SLIT1: variants seen among roughly 807,000 people sequenced by gnomAD.
SLIT1 encodes slit homolog 1 protein.
A neutral mutation model predicts 186.1 loss-of-function variants in SLIT1; 66 were observed. The ratio of observed to expected loss-of-function variants is 0.35; its 90% CI spans 0.29 to 0.44. SLIT1 has a LOEUF of 0.44. SLIT1 is among the 20% of genes least tolerant of loss of function. The pLI is 1.00. For missense variants in SLIT1, 1,638 were observed against 2,037.4 expected (o/e 0.80, Z 3.77); for synonymous variants, 761 against 833.8 (o/e 0.91, Z 1.50).
At chr10:97,179,806 C>CCT (rs1554855922) in intron 1 of SLIT1, among the ~76,000 whole-genome samples, 3 of 148,538 alleles carry the variant, frequency 2.0e-5, no homozygotes, top group Non-Finnish European at 3.0e-5. Context: ...ACCCTCCCCG[C>CCT]CCCCCGGCAC....
At chr10:97,065,399 G>A (rs1438292222) in intron 5 of SLIT1, 1 of 154,200 alleles carries the variant, frequency 6.5e-6, no homozygotes, top group African/African-American at 2.4e-5. Context: ...GGGGGTGTGT[G>A]TGACAAGCAT....
intron 4 of SLIT1, among the ~76,000 whole-genome samples, chr10:97,087,626 G>A (rs944694653): frequency 3.9e-5 from 6 of 152,106 alleles, no homozygotes; most frequent in African/African-American, 1.2e-4. Context: ...ACAAAGGCTC[G>A]CCTCAAAGCA....
rs996238271 is a variant in SLIT1 at position 97,019,555 on chromosome 10, G to GA, written c.2747-449dup. Among the ~76,000 whole-genome samples, 54 of 152,336 alleles carry GA rather than the reference G, an allele frequency of 3.5e-4. 1 individual carries two copies. The highest frequency in any genetic ancestry group is 4.0e-4 in the Non-Finnish European group (27 of 68,034). On this transcript the variant is annotated intron_variant, in intron 26 of 36. Coordinates refer to ENST00000266058, the MANE Select transcript of SLIT1 (RefSeq NM_003061.3). ...AAGGTGGTCACCTCGGCAGAGAGGA[G>GA]ACGGTGACTTTGTGAGCATCGTGCC...
chr10:97,164,974 G>C, intron 1 of SLIT1, 84 bp from the exon 2 acceptor site: 1 of 975,784 alleles, frequency 1.0e-6, no homozygotes, highest in East Asian at 2.4e-5. Flanking sequence ...TGCCCTCCCC[G>C]CCTGGATCAG....
chr10:97,147,647 G>A (rs1486200803), intron 4 of SLIT1, among the ~76,000 whole-genome samples: 2 of 151,804 alleles, frequency 1.3e-5, no homozygotes, highest in Non-Finnish European at 2.9e-5. Context: ...GGGGGAAGGA[G>A]GCCTTTGTGG....
Position 97,048,935 on chromosome 10 carries a change from G to C in SLIT1, c.1465+20C>G. ...GGCAGGTAGGTGGACAGGTGGGCAG[G>C]TGGGCAGGCGGGCAGGTACCTGAGC... On this transcript the variant is annotated intron_variant, in intron 14 of 36. Coordinates refer to ENST00000266058, the MANE Select transcript of SLIT1 (RefSeq NM_003061.3). 2 of 1,602,084 alleles carry C rather than the reference G, an allele frequency of 1.2e-6. No homozygotes were observed. Among genetic ancestry groups the C allele is most frequent in the Non-Finnish European group, 1.7e-6 (2 of 1,179,440 alleles).
At position 97,006,684 on chromosome 10, in the gene SLIT1, G is replaced by A. The variant is rs1330035845; in HGVS notation, c.3378C>T (p.Ala1126=). 6 of 1,613,970 alleles carry A rather than the reference G, an allele frequency of 3.7e-6. No individual in the cohort carries two copies. The highest frequency in any genetic ancestry group is 4.2e-6 in the Non-Finnish European group (5 of 1,179,984). ...CAGTCCCCTCACAGGGGCTCTTGGGGGCAGGCAGATGGGGAGGGATCTCAC... is the reference window on the plus strand; with the variant it reads ...CAGTCCCCTCACAGGGGCTCTTGGGAGCAGGCAGATGGGGAGGGATCTCAC... ...QLCEIPPHLP[A]PKSPCEGTEC... Residue 1126 remains alanine (A), a synonymous_variant, in exon 32 of 37, where the codon GCC becomes GCT. Coordinates refer to ENST00000266058, the MANE Select transcript of SLIT1 (RefSeq NM_003061.3). This position sits in a 1 kb window ranked among gnomAD's most constrained non-coding sequence, Gnocchi z 4.0.
At chr10:97,096,379 G>A (rs1849289624) in intron 4 of SLIT1, among the ~76,000 whole-genome samples, 1 of 151,476 alleles carries the variant, frequency 6.6e-6, no homozygotes, top group South Asian at 2.1e-4. Context: ...ACGCCCTCGA[G>A]CCCCCCCGCC....
intron 1 of SLIT1, among the ~76,000 whole-genome samples, chr10:97,178,790 AGTGT>A (rs57432718): frequency 0.012 from 1,842 of 150,664 alleles, 31 homozygotes; most frequent in African/African-American, 0.036. Flanking sequence ...AGAGAGAGAA[AGTGT>A]GTGTGTGTGT....
chr10:97,129,537 G>T (rs964638786), intron 4 of SLIT1, among the ~76,000 whole-genome samples: 1 of 152,160 alleles, frequency 6.6e-6, no homozygotes, highest in Non-Finnish European at 1.5e-5. Flanking sequence ...TGCAGCTAGA[G>T]CATCTAGCGC....
intron 4 of SLIT1, among the ~76,000 whole-genome samples, chr10:97,127,285 CA>C (rs34328563): frequency 0.52 from 68,175 of 131,274 alleles, 18,341 homozygotes; most frequent in Non-Finnish European, 0.63. Context: ...GACTCCGTCT[CA>C]AAAAAAAAAA....
chr10:97,126,376 C>T (rs1849603814), intron 4 of SLIT1, among the ~76,000 whole-genome samples: 1 of 152,212 alleles, frequency 6.6e-6, no homozygotes, highest in South Asian at 2.1e-4. Context: ...TAGAGTAACA[C>T]ACCACATTCA....
chr10:97,027,489 CAACTG>C (rs2134606119), intron 25 of SLIT1, among the ~76,000 whole-genome samples: 1 of 152,322 alleles, frequency 6.6e-6, no homozygotes, highest in Non-Finnish European at 1.5e-5. Context: ...TTCTTGATAA[CAACTG>C]AAGGTTTCTT....
Position 97,006,687 on chromosome 10 carries a change from A to G in SLIT1, c.3375T>C (p.Pro1125=), listed in dbSNP as rs1848362356. The G allele has an allele frequency of 1.2e-6, 2 of 1,613,980 alleles. No homozygotes were observed. The highest frequency in any genetic ancestry group is 1.3e-5 in the African/African-American group (1 of 74,946). Residue 1125 remains proline (P), a synonymous_variant, in exon 32 of 37, where the codon CCT becomes CCC. Coordinates refer to ENST00000266058, the MANE Select transcript of SLIT1 (RefSeq NM_003061.3). This position sits in a 1 kb window ranked among gnomAD's most constrained non-coding sequence, Gnocchi z 4.0. ...TCCCCTCACAGGGGCTCTTGGGGGC[A>G]GGCAGATGGGGAGGGATCTCACAGA... ...GQLCEIPPHL[P]APKSPCEGTE...
chr10:97,030,046 C>T lies in SLIT1; in HGVS notation c.2582+711G>A, dbSNP rs994490721. On this transcript the variant is annotated intron_variant, in intron 25 of 36. Coordinates refer to ENST00000266058, the MANE Select transcript of SLIT1 (RefSeq NM_003061.3). ...CTGTGGACATAGGCTGTTTCCAGTT[C>T]GGGGTTATTATGTAAAATGCTGCAG... is the stretch of plus-strand genomic sequence containing the variant. 3.9e-5 allele frequency among the ~76,000 whole-genome samples: 6 copies of T among 152,224 alleles called. No individual in the cohort carries two copies. The East Asian group carries it at 5.8e-4, about 15-fold the overall frequency.
At chr10:97,056,789 G>A (rs1190905940) in intron 12 of SLIT1, among the ~76,000 whole-genome samples, 1 of 152,228 alleles carries the variant, frequency 6.6e-6, no homozygotes, top group East Asian at 1.9e-4. Flanking sequence ...CTTCCCAGAG[G>A]TCCATTGGGT....
chr10:97,023,360 C>G (rs114092341), intron 25 of SLIT1, among the ~76,000 whole-genome samples: 2,689 of 152,050 alleles, frequency 0.018, 64 homozygotes, highest in African/African-American at 0.062. Context: ...GCCACTGCAC[C>G]TGGCTCCTTT....
chr10:97,021,816 G>C lies in SLIT1; in HGVS notation c.2583-403C>G, dbSNP rs565140414. Among the ~76,000 whole-genome samples, 13 of 152,168 alleles carry C rather than the reference G, an allele frequency of 8.5e-5. No homozygotes were observed. The South Asian group carries it at 2.7e-3, about 32-fold the overall frequency. ...AAACTCAGGTTATCCACTCACCTCA[G>C]CCTCCCAAAGTGCTGGGATTACAGG... On this transcript the variant is annotated intron_variant, in intron 25 of 36. Transcript: ENST00000266058. This position sits in a 1 kb window ranked among gnomAD's most constrained non-coding sequence, Gnocchi z 4.5.
chr10:97,077,388 C>G lies in SLIT1; in HGVS notation c.414-11302G>C, dbSNP rs575836372. ...CTTCCTAATCCTGGGTGCTCTCCTG[C>G]TCCCCTTCTCTGCAACCCTGACTGC... On this transcript the variant is annotated intron_variant, in intron 4 of 36. Coordinates refer to ENST00000266058, the MANE Select transcript of SLIT1 (RefSeq NM_003061.3). Among the ~76,000 whole-genome samples, 214 of 152,302 alleles carry G rather than the reference C, an allele frequency of 1.4e-3. 1 individual carries two copies. Among genetic ancestry groups the G allele is most frequent in the Admixed American group, 3.2e-3 (49 of 15,292 alleles).
Sources: gnomAD v4.1 joint callset for allele counts (sites outside exome capture counted in the v4.1 genomes callset) on GRCh38, gnomAD v4.1.1 for gene constraint, Gnocchi (gnomAD v3.1) non-coding constraint, MANE v1.5 for transcripts, NCBI Gene and HGNC (gene_info 2026-07-23, HGNC 2026-07-21) for gene names.